The following OR51D1 variants were observed in gnomAD, a reference collection of about 807,000 sequenced individuals.
OR51D1 encodes the protein olfactory receptor 51D1.
For synonymous variants in OR51D1, 187 were observed against 161.1 expected, an observed-to-expected ratio of 1.16 and a Z score of -1.22; for missense variants, 452 against 396.2, an observed-to-expected ratio of 1.14 and a Z score of -1.20.
Position 4,642,448 on chromosome 11 carries a change from G to T in OR51D1, c.*1683G>T, listed in dbSNP as rs1846979461. 1 of 151,110 alleles carries T rather than the reference G, an allele frequency of 6.6e-6. No homozygotes were observed. Among genetic ancestry groups the T allele is most frequent in the Non-Finnish European group, 1.5e-5 (1 of 67,916 alleles). 9.4% of individuals were successfully genotyped at this position (151,110 alleles called of 1,614,324 possible). On this transcript the variant is annotated 3_prime_UTR_variant, in exon 2 of 2. Coordinates refer to ENST00000641817, the MANE Select transcript of OR51D1 (RefSeq NM_001004751.3). ...TGGCGCGTGCCTGTAGTCCCAGCTAGTTGGGAGGCTGAGGCAGGAGAAACG... is the reference window on the plus strand; with the variant it reads ...TGGCGCGTGCCTGTAGTCCCAGCTATTTGGGAGGCTGAGGCAGGAGAAACG...
chr11:4,639,643 G>A, intron 1 of OR51D1, 134 bp from the exon 2 acceptor site: 1 of 802,646 alleles, frequency 1.2e-6, no homozygotes, highest in Non-Finnish European at 2.0e-6. Context: ...AGAGAGACTA[G>A]GGTTCAGAAT....
chr11:4,641,474 G>A lies in OR51D1; in HGVS notation c.*709G>A, dbSNP rs1462777872. 1.3e-5 allele frequency: 2 copies of A among 152,466 alleles called. No homozygotes were observed. The highest frequency in any genetic ancestry group is 2.9e-5 in the Non-Finnish European group (2 of 68,124). 9.4% of individuals were successfully genotyped at this position (152,466 alleles called of 1,614,324 possible). On this transcript the variant is annotated 3_prime_UTR_variant, in exon 2 of 2. Transcript: ENST00000641817. ...TGGAATACGTACTGGTTGTGTCCTG[G>A]TGAGTGTGGTAGCTATGTCCTGGCA... is the stretch of plus-strand genomic sequence containing the variant.
chr11:4,639,789 G>A lies in OR51D1; in HGVS notation c.-2G>A. ...TCTACTTTCCTAGACCCTGGATTTT[G>A]TATGCAGAAGCCCCAGCTCTTGGTC... On this transcript the variant is annotated 5_prime_UTR_variant, in exon 2 of 2. Coordinates refer to ENST00000641817, the MANE Select transcript of OR51D1 (RefSeq NM_001004751.3). The A allele has an allele frequency of 6.2e-7, 1 of 1,610,582 alleles. No homozygotes were observed. The highest frequency in any genetic ancestry group is 8.5e-7 in the Non-Finnish European group (1 of 1,177,602).
At chr11:4,638,808 T>A (rs763195510) in intron 1 of OR51D1, among the ~76,000 whole-genome samples, 5 of 152,290 alleles carry the variant, frequency 3.3e-5, no homozygotes, top group Middle Eastern at 6.8e-3. Context: ...TGTTTTGTTT[T>A]TGAGTTGGTG....
At position 4,642,639 on chromosome 11, in the gene OR51D1, G is replaced by T. The variant is rs1238411930; in HGVS notation, c.*1874G>T. The T allele has an allele frequency of 6.6e-6, 1 of 150,930 alleles. No homozygotes were observed. 9.3% of individuals were successfully genotyped at this position (150,930 alleles called of 1,614,324 possible). A position where few individuals can be genotyped will look rare whatever the true frequency, so the allele number is the denominator to read the frequency against. On this transcript the variant is annotated 3_prime_UTR_variant, in exon 2 of 2. Coordinates refer to ENST00000641817, the MANE Select transcript of OR51D1 (RefSeq NM_001004751.3). ...GAAAGCAAGGGTGGAGGGGAAGCCA[G>T]TCAATCTCCCTTCTGTTGCCGCATG...
At position 4,641,500 on chromosome 11, in the gene OR51D1, C is replaced by A. The variant is rs1846967326; in HGVS notation, c.*735C>A. 1 of 152,382 alleles carries A rather than the reference C, an allele frequency of 6.6e-6. No homozygotes were observed. Among genetic ancestry groups the A allele is most frequent in the Non-Finnish European group, 1.5e-5 (1 of 68,076 alleles). 9.4% of individuals were successfully genotyped at this position (152,382 alleles called of 1,614,324 possible). On this transcript the variant is annotated 3_prime_UTR_variant, in exon 2 of 2. Transcript: ENST00000641817. ...TGAGTGTGGTAGCTATGTCCTGGCA[C>A]ATGTATGTTTCATGAGACGTGTCTC...
chr11:4,640,569 C>T lies in OR51D1; in HGVS notation c.779C>T (p.Ala260Val). 1 of 1,613,748 alleles carries T rather than the reference C, an allele frequency of 6.2e-7. No individual in the cohort carries two copies. Among genetic ancestry groups the T allele is most frequent in the Non-Finnish European group, 8.5e-7 (1 of 1,179,964 alleles). ...AACACCTGCATCTCCCACCTCTGTG[C>T]TGTTCTGGTCTTCTATGTACCCCTC... ...AFNTCISHLC[A>V]VLVFYVPLIG... Residue 260 changes from alanine to valine, a missense_variant, in exon 2 of 2, where the codon GCT becomes GTT. Physicochemically the swap from Ala to Val is moderately conservative, Grantham distance 64 (BLOSUM62 0). Coordinates refer to ENST00000641817, the MANE Select transcript of OR51D1 (RefSeq NM_001004751.3).
At position 4,640,642 on chromosome 11, in the gene OR51D1, C is replaced by T. The variant is rs1846956567; in HGVS notation, c.852C>T (p.Leu284=). 1 of 1,613,706 alleles carries T rather than the reference C, an allele frequency of 6.2e-7. No individual in the cohort carries two copies. Among genetic ancestry groups the T allele is most frequent in the Non-Finnish European group, 8.5e-7 (1 of 1,179,992 alleles). The change falls in exon 2 of 2, where the codon CTC becomes CTT. Residue 284 remains leucine (L), a synonymous_variant. Coordinates refer to ENST00000641817, the MANE Select transcript of OR51D1 (RefSeq NM_001004751.3). ...VHRLGGPTSL[L]HVVMANTYLL... ...GGCTGGGTGGTCCCACCTCCCTCCT[C>T]CATGTGGTTATGGCTAATACCTACT...
In OR51D1 at chr11:4,642,066, A is replaced by C. The variant is rs969533924; in HGVS notation, c.*1301A>C. On this transcript the variant is annotated 3_prime_UTR_variant, in exon 2 of 2. Coordinates refer to ENST00000641817, the MANE Select transcript of OR51D1 (RefSeq NM_001004751.3). The stretch of plus-strand genomic sequence containing the variant: ...GCTGTGAGCAGCAGAAATAATTTCC[A>C]AAGTTGAGTGACATGACTCTAAGAT... 1 of 152,276 alleles carries C rather than the reference A, an allele frequency of 6.6e-6. No individual in the cohort carries two copies. Among genetic ancestry groups the C allele is most frequent in the African/African-American group, 2.4e-5 (1 of 41,440 alleles). The allele number at this position is 152,276 out of a possible 1,614,324, so 9.4% of individuals were successfully genotyped here. A position where few individuals can be genotyped will look rare whatever the true frequency, so the allele number is the denominator to read the frequency against.
Position 4,639,841 on chromosome 11 carries a change from T to A in OR51D1, c.51T>A (p.Asn17Lys). The A allele has an allele frequency of 6.2e-7, 1 of 1,614,158 alleles. No homozygotes were observed. The highest frequency in any genetic ancestry group is 8.5e-7 in the Non-Finnish European group (1 of 1,180,012). The change falls in exon 2 of 2, where the codon AAT (asparagine) becomes AAA (lysine). Residue 17 changes from asparagine (N) to lysine (K), a missense_variant. Physicochemically the swap from Asn to Lys is moderately conservative, Grantham distance 94. Coordinates refer to ENST00000641817, the MANE Select transcript of OR51D1 (RefSeq NM_001004751.3). ...CTATCATAGCCACTTCAAATGGAAA[T>A]CTGGTCCACGCAGCATACTTCCTTT... ...LVPIIATSNG[N>K]LVHAAYFLLV... is the part of the protein sequence containing the mutation.
rs1473496154 is a variant in OR51D1, at chr11:4,641,100, G to GC, written c.*340dup. ...TTTGAAGTATGATTTTAATGTTCTT[G>GC]CCCCCATGTGCCCATGTTGGTGAAT... On this transcript the variant is annotated 3_prime_UTR_variant, in exon 2 of 2. Transcript: ENST00000641817. The GC allele has an allele frequency of 4.2e-6, 1 of 236,358 alleles. No individual in the cohort carries two copies. The highest frequency in any genetic ancestry group is 9.7e-5 in the East Asian group (1 of 10,282). 14.6% of individuals were successfully genotyped at this position (236,358 alleles called of 1,614,324 possible). A position where few individuals can be genotyped will look rare whatever the true frequency, so the allele number is the denominator to read the frequency against.
Position 4,640,242 on chromosome 11 carries a change from G to A in OR51D1, c.452G>A (p.Gly151Glu). ...TTGCGCCATGCTTCTGTGCTGACAG[G>A]GTGTACTGTGGCCAAGATTGGACTA... ...HPLRHASVLT[G>E]CTVAKIGLSA... The change falls in exon 2 of 2, where the codon GGG (glycine) becomes GAG (glutamate). Residue 151 changes from glycine (G) to glutamate (E), a missense_variant. Gly to Glu is a moderately conservative substitution (Grantham distance 98). Coordinates refer to ENST00000641817, the MANE Select transcript of OR51D1 (RefSeq NM_001004751.3). The A allele has an allele frequency of 1.2e-6, 2 of 1,614,200 alleles. No homozygotes were observed. Among genetic ancestry groups the A allele is most frequent in the Non-Finnish European group, 1.7e-6 (2 of 1,180,044 alleles).
Position 4,640,063 on chromosome 11 carries a change from G to T in OR51D1, c.273G>T (p.Met91Ile). The T allele has an allele frequency of 3.1e-6, 5 of 1,614,154 alleles. No individual in the cohort carries two copies. Among genetic ancestry groups the T allele is most frequent in the Non-Finnish European group, 4.2e-6 (5 of 1,180,024 alleles). Residue 91 changes from methionine (M) to isoleucine (I), a missense_variant, in exon 2 of 2, where the codon ATG becomes ATT. Coordinates refer to ENST00000641817, the MANE Select transcript of OR51D1 (RefSeq NM_001004751.3). ...ACCTAGTCCTCTCCTCTATCACCAT[G>T]CCCAAGATGGCCAGTCTTTTCCTGA... is the stretch of plus-strand genomic sequence containing the variant. The part of the protein sequence containing the change: ...TIDLVLSSIT[M>I]PKMASLFLMG...
In OR51D1 at chr11:4,642,556, C is replaced by CAA. The variant is rs34699024; in HGVS notation, c.*1811_*1812dup. The CAA allele has an allele frequency of 0.19, 14,493 of 75,816 alleles. 2,363 individuals carry two copies. Among genetic ancestry groups the CAA allele is most frequent in the Middle Eastern group, 0.32 (31 of 98 alleles). 4.7% of individuals were successfully genotyped at this position (75,816 alleles called of 1,614,324 possible). ...CTGGTGACAGAGCAAGACTCTGTGT[C>CAA]AAAAAAAAAAAAAAAAAAAAAGCCT... On this transcript the variant is annotated 3_prime_UTR_variant, in exon 2 of 2. Coordinates refer to ENST00000641817, the MANE Select transcript of OR51D1 (RefSeq NM_001004751.3).
Position 4,640,477 on chromosome 11 carries a change from C to G in OR51D1, c.687C>G (p.Phe229Leu). 1 of 1,614,090 alleles carries G rather than the reference C, an allele frequency of 6.2e-7. No homozygotes were observed. The highest frequency in any genetic ancestry group is 8.5e-7 in the Non-Finnish European group (1 of 1,180,040). ...VMGVDSLFIG[F>L]SYILILWAVL... Reference sequence around the variant, plus strand: ...GTGTGGACTCTCTCTTCATTGGCTTCTCATATATCCTCATCCTGTGGGCTG... The same window carrying G: ...GTGTGGACTCTCTCTTCATTGGCTTGTCATATATCCTCATCCTGTGGGCTG... Residue 229 changes from phenylalanine (F) to leucine (L), a missense_variant, in exon 2 of 2, where the codon TTC becomes TTG. Phe to Leu is a conservative substitution (Grantham distance 22). Transcript: ENST00000641817.
At position 4,640,389 on chromosome 11, in the gene OR51D1, T is replaced by A; in HGVS notation, c.599T>A (p.Leu200Gln). 6.2e-7 allele frequency: 1 copy of A among 1,614,254 alleles called. No homozygotes were observed. The highest frequency in any genetic ancestry group is 8.5e-7 in the Non-Finnish European group (1 of 1,180,042). The change falls in exon 2 of 2, where the codon CTG becomes CAG. Residue 200 changes from leucine (L) to glutamine (Q), a missense_variant. Leu to Gln is a moderately radical substitution (Grantham distance 113, BLOSUM62 -2). Transcript: ENST00000641817. ...TGTCTGCACCAAGATATTATGAAGC[T>A]GTCCTGTACTGACACCAGGGTCAAT... ...SFCLHQDIMK[L>Q]SCTDTRVNVV...
At position 4,640,306 on chromosome 11, in the gene OR51D1, G is replaced by T. The variant is rs138010008; in HGVS notation, c.516G>T (p.Leu172=). 11 of 1,613,984 alleles carry T rather than the reference G, an allele frequency of 6.8e-6. No homozygotes were observed. The South Asian group carries it at 9.9e-5, about 14-fold the overall frequency. Residue 172 remains leucine (L), a synonymous_variant, in exon 2 of 2, where the codon CTG becomes CTT. Coordinates refer to ENST00000641817, the MANE Select transcript of OR51D1 (RefSeq NM_001004751.3). ...GGGGGTTTGTATTCTTCTTCCCACT[G>T]CCCTTCATCCTCAAGTGGTTGTCCT... ...LTRGFVFFFP[L]PFILKWLSYC...
intron 1 of OR51D1, among the ~76,000 whole-genome samples, chr11:4,639,310 C>G (rs1180073566): frequency 1.3e-5 from 2 of 152,192 alleles, no homozygotes; most frequent in Non-Finnish European, 2.9e-5. Context: ...TATAGTAGGT[C>G]TTAAAGTCAG....
In OR51D1 at chr11:4,641,989, G is replaced by A. The variant is rs565038432; in HGVS notation, c.*1224G>A. On this transcript the variant is annotated 3_prime_UTR_variant, in exon 2 of 2. Transcript: ENST00000641817. ...TCTGTATTTCTGAGCATGGATTGATGTGTGGTGTCTGTATGTATCTTGGAA... is the reference window on the plus strand; with the variant it reads ...TCTGTATTTCTGAGCATGGATTGATATGTGGTGTCTGTATGTATCTTGGAA... 6.5e-6 allele frequency: 1 copy of A among 152,728 alleles called. No individual in the cohort carries two copies. The highest frequency in any genetic ancestry group is 1.5e-5 in the Non-Finnish European group (1 of 68,042). The allele number at this position is 152,728 out of a possible 1,614,324, so 9.5% of individuals were successfully genotyped here.
Sources: allele counts gnomAD v4.1 joint callset (sites outside exome capture counted in the v4.1 genomes callset), GRCh38; gene constraint gnomAD v4.1.1; transcripts MANE v1.5; gene names NCBI Gene and HGNC (gene_info 2026-07-23, HGNC 2026-07-21).